The following NCKAP1L variants were observed in gnomAD, a reference collection of about 807,000 sequenced individuals.
The protein encoded by NCKAP1L is nck-associated protein 1-like.
Under a neutral mutation model 139.2 loss-of-function variants are expected in NCKAP1L, and 53 were observed. The ratio of observed to expected loss-of-function variants is 0.38; its 90% CI spans 0.31 to 0.48. The LOEUF (loss-of-function observed/expected upper bound fraction) is 0.48. NCKAP1L is among the 20% of genes least tolerant of loss of function. The probability of loss-of-function intolerance (pLI) is 0.98; values close to 1 mark genes in which losing one functional copy is unlikely to be tolerated. For synonymous variants in NCKAP1L, 468 were observed against 499.7 expected, an observed-to-expected ratio of 0.94 and a Z score of 0.85; for missense variants, 1,151 against 1,381.9, an observed-to-expected ratio of 0.83 and a Z score of 2.65.
Position 54,521,171 on chromosome 12 carries a change from A to G in NCKAP1L, c.1811A>G (p.Glu604Gly). The G allele has an allele frequency of 1.2e-6, 2 of 1,614,076 alleles. No homozygotes were observed. Among genetic ancestry groups the G allele is most frequent in the Non-Finnish European group, 1.7e-6 (2 of 1,180,010 alleles). ...CACCACTGCAACTCCTTCCTGGAAG[A>G]GTTGGCCAAGCAGACCAGCAATTGC... ...GLHHCNSFLEELAKQTSNCVL... is the reference protein window; with the variant it reads ...GLHHCNSFLEGLAKQTSNCVL... The change falls in exon 18 of 31, where the codon GAG becomes GGG. Residue 604 changes from glutamate to glycine, a missense_variant. By Grantham distance (98) the Glu-to-Gly change is moderately conservative. Coordinates refer to ENST00000293373, the MANE Select transcript of NCKAP1L (RefSeq NM_005337.5).
chr12:54,536,747 A>G (rs2036068), intron 28 of NCKAP1L, among the ~76,000 whole-genome samples, 197 bp from the exon 29 acceptor site: 21,883 of 151,182 alleles, frequency 0.14, 1,929 homozygotes, highest in East Asian at 0.31. Context: ...GAGAGAATGA[A>G]CTATGCATAA....
In NCKAP1L at chr12:54,509,872, T is replaced by C. The variant is rs377422264; in HGVS notation, c.622T>C (p.Leu208=). ...GGCTGTGAGTGGAGCCCTCCTCTCT[T>C]TGCATTTCCTCTTTGTCCGAAGAAA... ...TKAVSGALLS[L]HFLFVRRNQG... is the part of the protein sequence containing the mutation. Residue 208 remains leucine, a synonymous_variant, in exon 7 of 31, where the codon TTG becomes CTG. Coordinates refer to ENST00000293373, the MANE Select transcript of NCKAP1L (RefSeq NM_005337.5). 5.6e-6 allele frequency: 9 copies of C among 1,614,130 alleles called. No individual in the cohort carries two copies. The African/African-American group carries it at 1.1e-4, about 19-fold the overall frequency.
intron 18 of NCKAP1L, 59 bp from the exon 19 acceptor site, chr12:54,523,335 T>C: frequency 6.4e-7 from 1 of 1,563,784 alleles, no homozygotes. Flanking sequence ...TTTATAACTG[T>C]CAGGTGCCGT....
intron 18 of NCKAP1L, 35 bp from the exon 19 acceptor site, chr12:54,523,359 C>T (rs199833259): frequency 1.3e-6 from 2 of 1,587,872 alleles, no homozygotes; most frequent in Non-Finnish European, 1.7e-6. Flanking sequence ...AGCAACAAAT[C>T]CCCTTTCTCC....
intron 16 of NCKAP1L, 147 bp from the exon 17 acceptor site, chr12:54,520,547 C>A (rs1031270556): frequency 1.3e-6 from 1 of 791,488 alleles, no homozygotes; most frequent in Admixed American, 2.1e-5. Context: ...TGGTAAATAT[C>A]GGTAAATGTT....
intron 27 of NCKAP1L, among the ~76,000 whole-genome samples, 156 bp downstream of exon 27, chr12:54,535,353 C>T (rs1957106457): frequency 6.6e-6 from 1 of 152,204 alleles, no homozygotes; most frequent in South Asian, 2.1e-4. Context: ...TCAGAAAATA[C>T]TTACATAGGC....
intron 16 of NCKAP1L, among the ~76,000 whole-genome samples, chr12:54,520,255 G>A (rs773602223): frequency 6.6e-5 from 10 of 152,184 alleles, no homozygotes; most frequent in Non-Finnish European, 1.3e-4. Flanking sequence ...AGAGGACATG[G>A]GTTGAGGAAA....
At chr12:54,505,938 A>G (rs1442697076) in intron 3 of NCKAP1L, among the ~76,000 whole-genome samples, 5 of 152,230 alleles carry the variant, frequency 3.3e-5, no homozygotes, top group Admixed American at 3.3e-4. Flanking sequence ...CTGGGATTAC[A>G]GGCGGGAGCC....
Position 54,543,189 on chromosome 12 carries a change from A to G in NCKAP1L, c.*504A>G, listed in dbSNP as rs1259762435. 1 of 152,476 alleles carries G rather than the reference A, an allele frequency of 6.6e-6. No homozygotes were observed. Among genetic ancestry groups the G allele is most frequent in the African/African-American group, 2.4e-5 (1 of 41,440 alleles). 9.4% of individuals were successfully genotyped at this position (152,476 alleles called of 1,614,324 possible). On this transcript the variant is annotated 3_prime_UTR_variant, in exon 31 of 31. Coordinates refer to ENST00000293373, the MANE Select transcript of NCKAP1L (RefSeq NM_005337.5). ...CCTTTTTCAAATGTGTTCAGCAAAC[A>G]TTCAACCTGCTCCTACTGCAGAGTA...
chr12:54,532,590 T>C (rs542902912), intron 26 of NCKAP1L, among the ~76,000 whole-genome samples: 1 of 152,316 alleles, frequency 6.6e-6, no homozygotes, highest in East Asian at 1.9e-4. Context: ...GTCCGCTCTT[T>C]AGTCTTGAGG....
chr12:54,544,642 G>A lies in NCKAP1L; in HGVS notation c.*1957G>A, dbSNP rs1274747306. 6.6e-6 allele frequency: 1 copy of A among 152,158 alleles called. No individual in the cohort carries two copies. The highest frequency in any genetic ancestry group is 1.9e-4 in the East Asian group (1 of 5,182). The allele number at this position is 152,158 out of a possible 1,614,324, so 9.4% of individuals were successfully genotyped here. On this transcript the variant is annotated 3_prime_UTR_variant, in exon 31 of 31. Transcript: ENST00000293373. ...CATTTCTCTCTGTGTGTGCACGTGT[G>A]TGTGTTATCTATTTCTATACAGCTT... is the stretch of plus-strand genomic sequence containing the variant.
In NCKAP1L at chr12:54,547,346, C is replaced by T. The variant is rs1957204738; in HGVS notation, c.*4661C>T. ...TTTATCACTTACTCTCTGTGAGACCCTATAATTTTTCTGGGTTAGTTTAGT... is the reference window on the plus strand; with the variant it reads ...TTTATCACTTACTCTCTGTGAGACCTTATAATTTTTCTGGGTTAGTTTAGT... On this transcript the variant is annotated 3_prime_UTR_variant, in exon 31 of 31. Transcript: ENST00000293373. 6.6e-6 allele frequency: 1 copy of T among 152,114 alleles called. No individual in the cohort carries two copies. Among genetic ancestry groups the T allele is most frequent in the Admixed American group, 6.5e-5 (1 of 15,276 alleles). The allele number at this position is 152,114 out of a possible 1,614,324, so 9.4% of individuals were successfully genotyped here. A position where few individuals can be genotyped will look rare whatever the true frequency, so the allele number is the denominator to read the frequency against.
Position 54,516,876 on chromosome 12 carries a change from G to C in NCKAP1L, c.999-20G>C. On this transcript the variant is annotated intron_variant, in intron 10 of 30. Coordinates refer to ENST00000293373, the MANE Select transcript of NCKAP1L (RefSeq NM_005337.5). ...TAAGGGTGGGAGAGGTGATAGTCAT[G>C]TTCCCCTTTTCTTCCTTAGTGGCCA... The C allele has an allele frequency of 6.2e-7, 1 of 1,606,720 alleles. No individual in the cohort carries two copies. Among genetic ancestry groups the C allele is most frequent in the Non-Finnish European group, 8.5e-7 (1 of 1,174,596 alleles).
chr12:54,498,809 C>T (rs1292071420), intron 1 of NCKAP1L: 7 of 985,202 alleles, frequency 7.1e-6, no homozygotes, highest in Non-Finnish European at 8.4e-6. Flanking sequence ...AGGCATTAAA[C>T]TCTACCCATC....
intron 29 of NCKAP1L, among the ~76,000 whole-genome samples, chr12:54,538,305 A>C (rs1957129139): frequency 6.6e-6 from 1 of 152,214 alleles, no homozygotes; most frequent in Non-Finnish European, 1.5e-5. Context: ...ATCTCTGAGA[A>C]GGGGTGAGAA....
chr12:54,521,694 C>T (rs899338635), intron 18 of NCKAP1L, among the ~76,000 whole-genome samples: 2 of 152,134 alleles, frequency 1.3e-5, no homozygotes, highest in Admixed American at 6.6e-5. Context: ...TGCTTTCTTG[C>T]CTTTTTCTTC....
rs144614328 is a variant in NCKAP1L, at chr12:54,534,891, C to A, written c.2863-213C>A. 3.2e-3 allele frequency among the ~76,000 whole-genome samples: 487 copies of A among 152,142 alleles called. 2 individuals are homozygous for A. Among genetic ancestry groups the A allele is most frequent in the Non-Finnish European group, 5.6e-3 (384 of 67,986 alleles). On this transcript the variant is annotated intron_variant, in intron 26 of 30. Coordinates refer to ENST00000293373, the MANE Select transcript of NCKAP1L (RefSeq NM_005337.5). ...GTGGCTCATGCCTGTAATCCCAGCA[C>A]TTTGGGAGGCTGAGGTAGGAGGATT...
chr12:54,536,469 A>C, intron 28 of NCKAP1L: 1 of 423,562 alleles, frequency 2.4e-6, no homozygotes, highest in South Asian at 2.5e-5. Context: ...GTTCCAGACC[A>C]GCCTAGGCAA....
At chr12:54,528,430 C>T in intron 22 of NCKAP1L, 53 bp downstream of exon 22, 1 of 1,587,016 alleles carries the variant, frequency 6.3e-7, no homozygotes, top group East Asian at 2.2e-5. Context: ...TCCTTCAATG[C>T]ACAGAGAATA....
Sources: gnomAD v4.1 joint callset for allele counts (sites outside exome capture counted in the v4.1 genomes callset) on GRCh38, gnomAD v4.1.1 for gene constraint, MANE v1.5 for transcripts, NCBI Gene and HGNC (gene_info 2026-07-23, HGNC 2026-07-21) for gene names.